OTOGL: variants seen among roughly 807,000 people sequenced by gnomAD.
The protein encoded by OTOGL is otogelin like.
OTOGL carries 285 observed loss-of-function variants against 318.5 expected under a neutral mutation model. The ratio of observed to expected loss-of-function variants is 0.89; its 90% confidence interval spans 0.81 to 0.99. The LOEUF is 0.99. Among genes scored for constraint, OTOGL ranks in the 50% least tolerant of loss-of-function variants. OTOGL has a pLI of 0.00. For synonymous variants in OTOGL, 987 were observed against 936.5 expected (o/e 1.05, Z -0.99); for missense variants, 2,899 against 2,845.6 (o/e 1.02, Z -0.43).
intron 17 of OTOGL, 132 bp downstream of exon 17, chr12:80,256,592 G>A: frequency 7.6e-7 from 1 of 1,313,228 alleles, no homozygotes; most frequent in Non-Finnish European, 1.0e-6. Context: ...GAGTTTGTAT[G>A]TGTCATCAGG....
At chr12:80,285,122 T>C (rs897565223) in intron 26 of OTOGL, among the ~76,000 whole-genome samples, 1 of 152,202 alleles carries the variant, frequency 6.6e-6, no homozygotes, top group Non-Finnish European at 1.5e-5. Context: ...CAATACCATT[T>C]ATTTAATAGG....
chr12:80,298,424 C>G (rs556624568), intron 27 of OTOGL, among the ~76,000 whole-genome samples: 2 of 152,270 alleles, frequency 1.3e-5, no homozygotes, highest in East Asian at 3.9e-4. Context: ...GCTTTTACAT[C>G]TGTAAATTTG....
intron 35 of OTOGL, among the ~76,000 whole-genome samples, chr12:80,326,230 G>C (rs533465800): frequency 6.6e-6 from 1 of 152,174 alleles, no homozygotes; most frequent in Non-Finnish European, 1.5e-5. Context: ...CTGGCACATA[G>C]CAAGTGTTTA....
At chr12:80,186,329 C>G (rs140380871) in intron 1 of OTOGL, among the ~76,000 whole-genome samples, 2 of 152,120 alleles carry the variant, frequency 1.3e-5, no homozygotes, top group Non-Finnish European at 2.9e-5. Context: ...CCTACTTAGC[C>G]GCGTCTCTCC....
chr12:80,357,225 C>G (rs568963506), intron 49 of OTOGL, among the ~76,000 whole-genome samples: 20 of 152,160 alleles, frequency 1.3e-4, no homozygotes, highest in Middle Eastern at 3.4e-3. Context: ...CTTGAAGAAC[C>G]AACTTGAATA....
At chr12:80,254,753 T>C (rs1592614020) in intron 15 of OTOGL, among the ~76,000 whole-genome samples, 183 bp downstream of exon 15, 2 of 151,984 alleles carry the variant, frequency 1.3e-5, no homozygotes, top group East Asian at 3.9e-4. Context: ...GCAACTTTGG[T>C]AAAACTTTAT....
chr12:80,313,362 G>A (rs1006646622), intron 30 of OTOGL, 114 bp from the exon 31 acceptor site: 9 of 913,242 alleles, frequency 9.9e-6, no homozygotes, highest in Non-Finnish European at 1.3e-5. Flanking sequence ...TCTCTAGGTG[G>A]CAGTGTTAAG....
Position 80,377,702 on chromosome 12 carries a change from GTTTTTTA to G in OTOGL, c.6862-145_6862-139del, listed in dbSNP as rs1407944729. On this transcript the variant is annotated intron_variant, in intron 58 of 58. Coordinates refer to ENST00000547103, the MANE Select transcript of OTOGL (RefSeq NM_001378609.3). The stretch of plus-strand genomic sequence containing the variant: ...TTATGTGACTGATGTTTCATTTATT[GTTTTTTA>G]CGATCTTGCAACATGCAGAAGCTTG... 3 of 663,060 alleles carry G rather than the reference GTTTTTTA, an allele frequency of 4.5e-6. No individual in the cohort carries two copies. The African/African-American group carries it at 5.5e-5, about 12-fold the overall frequency. The allele number at this position is 663,060 out of a possible 1,614,324, so 41.1% of individuals were successfully genotyped here.
chr12:80,305,352 T>C (rs1437720180), intron 28 of OTOGL, among the ~76,000 whole-genome samples: 1 of 152,188 alleles, frequency 6.6e-6, no homozygotes, highest in South Asian at 2.1e-4. Context: ...TGTGGATAAA[T>C]AGGACTTGAA....
chr12:80,367,570 A>ATG lies in OTOGL; in HGVS notation c.6349_6350dup (p.Phe2118TyrfsTer8). 2 of 1,523,032 alleles carry ATG rather than the reference A, an allele frequency of 1.3e-6. No homozygotes were observed. The highest frequency in any genetic ancestry group is 1.8e-6 in the Non-Finnish European group (2 of 1,122,506). The allele number at this position is 1,523,032 out of a possible 1,614,324, so 94.3% of individuals were successfully genotyped here. On this transcript the variant is annotated frameshift_variant, in exon 54 of 59. Coordinates refer to ENST00000547103, the MANE Select transcript of OTOGL (RefSeq NM_001378609.3). LOFTEE classifies it high-confidence loss of function. Reference sequence around the variant, plus strand: ...TGTTTTCTGTTCTTAGAAAAGGATGATGTGTGTGTATTTCAAGAAGTATCA... The same window carrying ATG: ...TGTTTTCTGTTCTTAGAAAAGGATGATGTGTGTGTGTATTTCAAGAAGTATCA...
chr12:80,305,559 ATT>A lies in OTOGL; in HGVS notation c.3214-14_3214-13del, dbSNP rs761917536. 6.0e-6 allele frequency: 9 copies of A among 1,506,988 alleles called. No homozygotes were observed. In the East Asian group the frequency reaches 2.1e-4, roughly 35 times the overall value. The allele number at this position is 1,506,988 out of a possible 1,614,324, so 93.4% of individuals were successfully genotyped here. A position where few individuals can be genotyped will look rare whatever the true frequency, so the allele number is the denominator to read the frequency against. The stretch of plus-strand genomic sequence containing the variant: ...AGTGAAAACAGAATATTTCCTGGTG[ATT>A]TTCTCTTACTTTAGAACAAGCTATC... On this transcript the variant is annotated splice_polypyrimidine_tract_variant and intron_variant, in intron 28 of 58. Coordinates refer to ENST00000547103, the MANE Select transcript of OTOGL (RefSeq NM_001378609.3).
At chr12:80,207,937 ATGAT>A (rs1331171165) in intron 1 of OTOGL, among the ~76,000 whole-genome samples, 1 of 152,198 alleles carries the variant, frequency 6.6e-6, no homozygotes, top group Non-Finnish European at 1.5e-5. Context: ...TTAGATTTAT[ATGAT>A]TGTCTAATTA....
At chr12:80,287,652 ATCTT>A (rs1420133722) in intron 26 of OTOGL, among the ~76,000 whole-genome samples, 1 of 151,772 alleles carries the variant, frequency 6.6e-6, no homozygotes, top group Admixed American at 6.6e-5. Context: ...CATTAAGTAT[ATCTT>A]TCTTTGTCTT....
At chr12:80,307,414 G>C (rs965199964) in intron 29 of OTOGL, among the ~76,000 whole-genome samples, 2 of 149,652 alleles carry the variant, frequency 1.3e-5, no homozygotes, top group Admixed American at 6.6e-5. Flanking sequence ...CCTCCCGGAC[G>C]GGGCGGCTGG....
At chr12:80,102,729 T>C (rs1001931996) in intron 1 of OTOGL, among the ~76,000 whole-genome samples, 5 of 152,210 alleles carry the variant, frequency 3.3e-5, no homozygotes, top group Non-Finnish European at 7.3e-5. Flanking sequence ...TAAGGTTTCC[T>C]GTTATTTCTT....
intron 1 of OTOGL, among the ~76,000 whole-genome samples, chr12:80,108,771 G>GTATATATATATATATGTATATATA (rs1565863078): frequency 2.3e-5 from 3 of 129,456 alleles, no homozygotes; most frequent in Non-Finnish European, 3.2e-5. Context: ...ATATATACAC[G>GTATATATATATATATGTATATATA]TATATATATA....
intron 9 of OTOGL, among the ~76,000 whole-genome samples, chr12:80,234,138 T>G (rs904194869): frequency 6.6e-6 from 1 of 152,068 alleles, no homozygotes; most frequent in Non-Finnish European, 1.5e-5. Context: ...AGGCTGGTCT[T>G]GAACTCCTGG....
intron 52 of OTOGL, among the ~76,000 whole-genome samples, chr12:80,365,124 T>G (rs909173868): frequency 6.6e-6 from 1 of 152,064 alleles, no homozygotes. Flanking sequence ...CATGGAGTTA[T>G]TATATAACAC....
At chr12:80,210,526 G>T (rs1362027142) in intron 2 of OTOGL, among the ~76,000 whole-genome samples, 1 of 152,048 alleles carries the variant, frequency 6.6e-6, no homozygotes, top group Non-Finnish European at 1.5e-5. Context: ...TGGTGTGCTT[G>T]GCATTTTGTT....
Sources: allele counts gnomAD v4.1 joint callset (sites outside exome capture counted in the v4.1 genomes callset), GRCh38; gene constraint gnomAD v4.1.1; transcripts MANE v1.5; gene names NCBI Gene and HGNC (gene_info 2026-07-23, HGNC 2026-07-21).